Variants in TMEM170A observed in about 807,000 individuals in gnomAD.
TMEM170A encodes transmembrane protein 170.
A neutral mutation model predicts 12.8 loss-of-function variants in TMEM170A; 18 were observed. The ratio of observed to expected loss-of-function variants is 1.41; its 90% confidence interval spans 0.97 to 2.09. The LOEUF (loss-of-function observed/expected upper bound fraction) is 2.09, where lower values mean the gene tolerates loss of function less well. TMEM170A is among the 30% of genes most tolerant of loss of function. TMEM170A has a pLI of 0.00. For missense variants in TMEM170A, 220 were observed against 179.9 expected, an observed-to-expected ratio of 1.22 and a Z score of -1.28; for synonymous variants, 107 against 76.2, an observed-to-expected ratio of 1.40 and a Z score of -2.11.
At chr16:75,456,478 T>TCAC in intron 1 of TMEM170A, among the ~76,000 whole-genome samples, 1 of 152,160 alleles carries the variant, frequency 6.6e-6, no homozygotes, top group East Asian at 1.9e-4. Flanking sequence ...TCCTGGCGAC[T>TCAC]CAGGAGTCTT....
chr16:75,447,508 T>C lies in TMEM170A; in HGVS notation c.*50A>G, dbSNP rs762528197. On this transcript the variant is annotated 3_prime_UTR_variant, in exon 3 of 3. Coordinates refer to ENST00000561878, the MANE Select transcript of TMEM170A (RefSeq NM_145254.3). ...CACTACACTCCATAATGTATTCTTT[T>C]GGAGGATTCCATAAAGTTTAAGTTC... 10 of 1,570,846 alleles carry C rather than the reference T, an allele frequency of 6.4e-6. No homozygotes were observed. Among genetic ancestry groups the C allele is most frequent in the Non-Finnish European group, 8.6e-6 (10 of 1,162,728 alleles).
At position 75,444,660 on chromosome 16, in the gene TMEM170A, T is replaced by C. The variant is rs571561561; in HGVS notation, c.*2898A>G. On this transcript the variant is annotated 3_prime_UTR_variant, in exon 3 of 3. Coordinates refer to ENST00000561878, the MANE Select transcript of TMEM170A (RefSeq NM_145254.3). Reference sequence around the variant, plus strand: ...AAGCTATTCCTTATGATTCAAATAGTCTTTCCCTGAAAACATTTCAAGCTA... The same window carrying C: ...AAGCTATTCCTTATGATTCAAATAGCCTTTCCCTGAAAACATTTCAAGCTA... The C allele has an allele frequency of 3.3e-5, 5 of 152,252 alleles. No individual in the cohort carries two copies. Among genetic ancestry groups the C allele is most frequent in the African/African-American group, 1.2e-4 (5 of 41,544 alleles). The allele number at this position is 152,252 out of a possible 1,614,324, so 9.4% of individuals were successfully genotyped here.
chr16:75,444,461 A>AAAAAAACC lies in TMEM170A; in HGVS notation c.*3089_*3096dup, dbSNP rs1042466146. The AAAAAAACC allele has an allele frequency of 1.3e-5, 2 of 152,204 alleles. No homozygotes were observed. The highest frequency in any genetic ancestry group is 4.8e-5 in the African/African-American group (2 of 41,440). 9.4% of individuals were successfully genotyped at this position (152,204 alleles called of 1,614,324 possible). A position where few individuals can be genotyped will look rare whatever the true frequency, so the allele number is the denominator to read the frequency against. The stretch of plus-strand genomic sequence containing the variant: ...ACAGAGCAAGACTCCGTCTCAAAAC[A>AAAAAAACC]AAAAAACCAAAAAACCAAAGCACAG... On this transcript the variant is annotated 3_prime_UTR_variant, in exon 3 of 3. Coordinates refer to ENST00000561878, the MANE Select transcript of TMEM170A (RefSeq NM_145254.3).
At position 75,443,058 on chromosome 16, in the gene TMEM170A, CAT is replaced by C. The variant is rs1396944803; in HGVS notation, c.*4498_*4499del. The C allele has an allele frequency of 2.0e-5, 3 of 152,090 alleles. No individual in the cohort carries two copies. Among genetic ancestry groups the C allele is most frequent in the African/African-American group, 7.2e-5 (3 of 41,422 alleles). The allele number at this position is 152,090 out of a possible 1,614,324, so 9.4% of individuals were successfully genotyped here. A position where few individuals can be genotyped will look rare whatever the true frequency, so the allele number is the denominator to read the frequency against. On this transcript the variant is annotated 3_prime_UTR_variant, in exon 3 of 3. Transcript: ENST00000561878. ...AGAGTTAATAAGAATTTCAAGTTCA[CAT>C]GTTAAGTACGGTTTAATCACAACTT...
rs1014847512 is a variant in TMEM170A, at chr16:75,444,359, G to C, written c.*3199C>G. The C allele has an allele frequency of 6.6e-6, 1 of 151,990 alleles. No individual in the cohort carries two copies. Among genetic ancestry groups the C allele is most frequent in the Non-Finnish European group, 1.5e-5 (1 of 68,138 alleles). The allele number at this position is 151,990 out of a possible 1,614,324, so 9.4% of individuals were successfully genotyped here. On this transcript the variant is annotated 3_prime_UTR_variant, in exon 3 of 3. Transcript: ENST00000561878. ...TAGTCCCAGCTACTCGGGAGGCTGAGGCAGGAGAATGGCGTGAACCCGGGA... is the reference window on the plus strand; with the variant it reads ...TAGTCCCAGCTACTCGGGAGGCTGACGCAGGAGAATGGCGTGAACCCGGGA...
chr16:75,464,278 C>G lies in TMEM170A; in HGVS notation c.133+190G>C, dbSNP rs922352131. ...CACGCCCAGCGGGACTCCGGGGCTC[C>G]GCCTCAGGGACCGCCGAAGAAGTGA... On this transcript the variant is annotated intron_variant, in intron 1 of 2. Transcript: ENST00000561878. 1.7e-5 allele frequency: 25 copies of G among 1,492,940 alleles called. No homozygotes were observed. In the East Asian group the frequency reaches 6.8e-4, roughly 41 times the overall value. 92.5% of individuals were successfully genotyped at this position (1,492,940 alleles called of 1,614,324 possible). A position where few individuals can be genotyped will look rare whatever the true frequency, so the allele number is the denominator to read the frequency against.
At position 75,464,271 on chromosome 16, in the gene TMEM170A, G is replaced by A. The variant is rs9940471; in HGVS notation, c.133+197C>T. 2.1e-3 allele frequency: 3,201 copies of A among 1,494,680 alleles called. 61 individuals are homozygous for A. In the African/African-American group the frequency reaches 0.039, roughly 18 times the overall value. 92.6% of individuals were successfully genotyped at this position (1,494,680 alleles called of 1,614,324 possible). A position where few individuals can be genotyped will look rare whatever the true frequency, so the allele number is the denominator to read the frequency against. Reference sequence around the variant, plus strand: ...TGCATCTCACGCCCAGCGGGACTCCGGGGCTCCGCCTCAGGGACCGCCGAA... The same window carrying A: ...TGCATCTCACGCCCAGCGGGACTCCAGGGCTCCGCCTCAGGGACCGCCGAA... On this transcript the variant is annotated intron_variant, in intron 1 of 2. Transcript: ENST00000561878.
intron 1 of TMEM170A, among the ~76,000 whole-genome samples, chr16:75,459,538 T>C (rs549471707): frequency 6.6e-6 from 1 of 152,130 alleles, no homozygotes; most frequent in African/African-American, 2.4e-5. Context: ...GCAGACCACA[T>C]GAGTCCTCCT....
At chr16:75,460,895 CTAATT>C (rs1323690942) in intron 1 of TMEM170A, among the ~76,000 whole-genome samples, 1 of 152,086 alleles carries the variant, frequency 6.6e-6, no homozygotes, top group African/African-American at 2.4e-5. Flanking sequence ...ATCACTAGAT[CTAATT>C]TGACACTGAT....
At chr16:75,451,391 CA>C (rs550913950) in intron 2 of TMEM170A, 47 of 522,500 alleles carry the variant, frequency 9.0e-5, no homozygotes, top group Middle Eastern at 5.0e-4. Flanking sequence ...ACAAAAAATA[CA>C]AAAAAAATTA....
Position 75,447,059 on chromosome 16 carries a change from C to T in TMEM170A, c.*499G>A, listed in dbSNP as rs1377714802. 2 of 152,112 alleles carry T rather than the reference C, an allele frequency of 1.3e-5. No individual in the cohort carries two copies. Among genetic ancestry groups the T allele is most frequent in the Non-Finnish European group, 2.9e-5 (2 of 68,020 alleles). 9.4% of individuals were successfully genotyped at this position (152,112 alleles called of 1,614,324 possible). On this transcript the variant is annotated 3_prime_UTR_variant, in exon 3 of 3. Coordinates refer to ENST00000561878, the MANE Select transcript of TMEM170A (RefSeq NM_145254.3). Reference sequence around the variant, plus strand: ...TATTTCACCAAATTTGTTTTCAAAACTATACTCAACCAAAACCTATTTGGC... The same window carrying T: ...TATTTCACCAAATTTGTTTTCAAAATTATACTCAACCAAAACCTATTTGGC...
In TMEM170A at chr16:75,464,367, A is replaced by C. The variant is rs572174970; in HGVS notation, c.133+101T>G. On this transcript the variant is annotated intron_variant, in intron 1 of 2. Transcript: ENST00000561878. ...CCCGGAGGACAGCGCCCACGCCGCCAGCAGGCTGCGCACCCGGGACCCCGC... is the reference window on the plus strand; with the variant it reads ...CCCGGAGGACAGCGCCCACGCCGCCCGCAGGCTGCGCACCCGGGACCCCGC... 3.6e-6 allele frequency: 5 copies of C among 1,378,534 alleles called. No individual in the cohort carries two copies. In the African/African-American group the frequency reaches 6.1e-5, roughly 17 times the overall value. 85.4% of individuals were successfully genotyped at this position (1,378,534 alleles called of 1,614,324 possible). A position where few individuals can be genotyped will look rare whatever the true frequency, so the allele number is the denominator to read the frequency against.
chr16:75,464,617 A>G lies in TMEM170A; in HGVS notation c.-17T>C, dbSNP rs929187527. The G allele has an allele frequency of 6.4e-7, 1 of 1,573,408 alleles. No individual in the cohort carries two copies. Among genetic ancestry groups the G allele is most frequent in the East Asian group, 2.5e-5 (1 of 39,554 alleles). On this transcript the variant is annotated 5_prime_UTR_variant, in exon 1 of 3. Coordinates refer to ENST00000561878, the MANE Select transcript of TMEM170A (RefSeq NM_145254.3). ...GCGCTCCATCCCGTCGCCATTCACC[A>G]CAGAGAAATGAGGGACGAGCGCCCG...
chr16:75,464,440 C>G (rs1324068034), intron 1 of TMEM170A, 28 bp downstream of exon 1: 1 of 1,416,762 alleles, frequency 7.1e-7, no homozygotes, highest in Non-Finnish European at 9.2e-7. Flanking sequence ...GCGGGGCGCG[C>G]AGTGCGCAGG....
Position 75,446,298 on chromosome 16 carries a change from C to T in TMEM170A, c.*1260G>A, listed in dbSNP as rs990707137. The T allele has an allele frequency of 1.3e-5, 2 of 152,094 alleles. No homozygotes were observed. The highest frequency in any genetic ancestry group is 6.6e-5 in the Admixed American group (1 of 15,264). The allele number at this position is 152,094 out of a possible 1,614,324, so 9.4% of individuals were successfully genotyped here. A position where few individuals can be genotyped will look rare whatever the true frequency, so the allele number is the denominator to read the frequency against. ...AAAACAGTTTAGGTGGAAAGGATCA[C>T]ATTAAATACTTAATTTCTGCGATTC... On this transcript the variant is annotated 3_prime_UTR_variant, in exon 3 of 3. Coordinates refer to ENST00000561878, the MANE Select transcript of TMEM170A (RefSeq NM_145254.3).
At position 75,448,019 on chromosome 16, in the gene TMEM170A, T is replaced by C. The variant is rs184902139; in HGVS notation, c.305-331A>G. On this transcript the variant is annotated intron_variant, in intron 2 of 2. Transcript: ENST00000561878. ...TGACCAGATTATGAACTCAAAAATATCTGTATTCCCCTACCAGTTACCCCA... is the reference window on the plus strand; with the variant it reads ...TGACCAGATTATGAACTCAAAAATACCTGTATTCCCCTACCAGTTACCCCA... 2.0e-5 allele frequency among the ~76,000 whole-genome samples: 3 copies of C among 152,322 alleles called. No homozygotes were observed. The East Asian group carries it at 5.8e-4, about 29-fold the overall frequency.
Position 75,452,392 on chromosome 16 carries a change from G to A in TMEM170A, c.134-553C>T, listed in dbSNP as rs148007597. On this transcript the variant is annotated intron_variant, in intron 1 of 2. Coordinates refer to ENST00000561878, the MANE Select transcript of TMEM170A (RefSeq NM_145254.3). ...TGGGTGTTCTCCCGCCTCAGCCTCCGGAGTGGCTGGAACTACAGATGTGTG... is the reference window on the plus strand; with the variant it reads ...TGGGTGTTCTCCCGCCTCAGCCTCCAGAGTGGCTGGAACTACAGATGTGTG... Among the ~76,000 whole-genome samples, 1,038 of 152,228 alleles carry A rather than the reference G, an allele frequency of 6.8e-3. 11 individuals are homozygous for A. The highest frequency in any genetic ancestry group is 0.017 in the Middle Eastern group (5 of 294).
At chr16:75,458,731 T>A (rs1393929638) in intron 1 of TMEM170A, 1 of 152,182 alleles carries the variant, frequency 6.6e-6, no homozygotes, top group African/African-American at 2.4e-5. Context: ...TTAATTACAG[T>A]AGCAATAGCA....
intron 1 of TMEM170A, among the ~76,000 whole-genome samples, chr16:75,457,452 C>T (rs561579766): frequency 1.6e-4 from 25 of 152,268 alleles, no homozygotes; most frequent in South Asian, 6.2e-4. Context: ...TCTCTCTCTG[C>T]CATGTGAAGA....
Sources: gnomAD v4.1 joint callset for allele counts (sites outside exome capture counted in the v4.1 genomes callset) on GRCh38, gnomAD v4.1.1 for gene constraint, MANE v1.5 for transcripts, NCBI Gene and HGNC (gene_info 2026-07-23, HGNC 2026-07-21) for gene names.